The following CSMD2 variants were observed in gnomAD, a reference collection of about 807,000 sequenced individuals.
CSMD2 encodes CUB and Sushi multiple domains 2.
A neutral mutation model predicts 398.5 loss-of-function variants in CSMD2; 130 were observed. The ratio of observed to expected loss-of-function variants is 0.33; its 90% CI spans 0.28 to 0.38. The LOEUF (loss-of-function observed/expected upper bound fraction) is 0.38, where lower values mean the gene tolerates loss of function less well. Among genes scored for constraint, CSMD2 ranks in the 10% least tolerant of loss-of-function variants. The pLI is 1.00. For missense variants in CSMD2, 3,829 were observed against 4,764.9 expected (o/e 0.80, Z 5.78); for synonymous variants, 1,828 against 1,908.5 (o/e 0.96, Z 1.10).
At chr1:33,869,694 A>G (rs1640308080) in intron 5 of CSMD2, among the ~76,000 whole-genome samples, 1 of 152,176 alleles carries the variant, frequency 6.6e-6, no homozygotes, top group Non-Finnish European at 1.5e-5. Context: ...TCCTTCTTGT[A>G]GCCCCTCATT....
intron 3 of CSMD2, among the ~76,000 whole-genome samples, chr1:33,975,783 T>C (rs4653363): frequency 0.055 from 8,319 of 152,226 alleles, 275 homozygotes; most frequent in East Asian, 0.095. Flanking sequence ...TCTGTGTGCA[T>C]GGCTGTGGGC....
rs770125222 is a variant in CSMD2 at position 33,846,965 on chromosome 1, T to A, written c.952A>T (p.Ile318Phe). 3 of 1,609,936 alleles carry A rather than the reference T, an allele frequency of 1.9e-6. No individual in the cohort carries two copies. The highest frequency in any genetic ancestry group is 2.5e-6 in the Non-Finnish European group (3 of 1,178,006). The change falls in exon 6 of 71, where the codon ATC (isoleucine) becomes TTC (phenylalanine). Residue 318 changes from isoleucine (I) to phenylalanine (F), a missense_variant. By Grantham distance (21) the Ile-to-Phe change is conservative. Coordinates refer to ENST00000373381, the MANE Select transcript of CSMD2 (RefSeq NM_001281956.2). Reference sequence around the variant, plus strand: ...AGTCGCAGCCAGTTCTTGCTGCTGATAACGGGGGCTGGGAGGCTGGCTCCG... The same window carrying A: ...AGTCGCAGCCAGTTCTTGCTGCTGAAAACGGGGGCTGGGAGGCTGGCTCCG... The part of the protein sequence containing the change: ...FTGASLPAPV[I>F]SSKNWLRLHF...
chr1:33,722,655 G>C (rs1287394947), intron 19 of CSMD2, among the ~76,000 whole-genome samples: 1 of 150,718 alleles, frequency 6.6e-6, no homozygotes, highest in Non-Finnish European at 1.5e-5. Flanking sequence ...GTGTCTGGTT[G>C]CTAATCCTTA....
intron 20 of CSMD2, among the ~76,000 whole-genome samples, chr1:33,715,751 G>T (rs1646145673): frequency 6.6e-6 from 1 of 152,148 alleles, no homozygotes; most frequent in Non-Finnish European, 1.5e-5. Flanking sequence ...CGGTATGAGA[G>T]GAGCCAAGGG....
chr1:34,080,921 GGAAAGAAA>G (rs10522397), intron 2 of CSMD2, among the ~76,000 whole-genome samples: 3,140 of 125,122 alleles, frequency 0.025, 57 homozygotes, highest in Non-Finnish European at 0.036. Flanking sequence ...CTAACTGAGT[GGAAAGAAA>G]GAAAGAAAGA....
At chr1:33,719,533 G>A (rs537220017) in intron 19 of CSMD2, among the ~76,000 whole-genome samples, 1 of 152,306 alleles carries the variant, frequency 6.6e-6, no homozygotes, top group South Asian at 2.1e-4. Context: ...GTTGGAGTTT[G>A]AATCCAGATT....
Position 33,624,951 on chromosome 1 carries a change from T to A in CSMD2, c.5500+100A>T. The A allele has an allele frequency of 1.6e-6, 2 of 1,227,536 alleles. No homozygotes were observed. Among genetic ancestry groups the A allele is most frequent in the Non-Finnish European group, 2.4e-6 (2 of 845,272 alleles). 76.0% of individuals were successfully genotyped at this position (1,227,536 alleles called of 1,614,324 possible). On this transcript the variant is annotated intron_variant, in intron 34 of 70. Transcript: ENST00000373381. The surrounding 1 kb of genome is among the most constrained non-coding windows in gnomAD (Gnocchi z 4.7). ...CAGCCATGCGGTGGGAAGCGGCTGC[T>A]GTGTGTCGTGGGGCATCACTGGGGC...
chr1:33,757,804 A>C (rs1401468493), intron 13 of CSMD2, among the ~76,000 whole-genome samples: 1 of 152,226 alleles, frequency 6.6e-6, no homozygotes, highest in Non-Finnish European at 1.5e-5. Context: ...ATATTCAATC[A>C]GTAACTAACT....
At chr1:33,653,447 C>T (rs192320113) in intron 27 of CSMD2, among the ~76,000 whole-genome samples, 4 of 152,312 alleles carry the variant, frequency 2.6e-5, no homozygotes, top group South Asian at 4.1e-4. Flanking sequence ...GGCATCTGCT[C>T]GCGGCTGCAG....
At chr1:34,121,668 T>C (rs978355411) in intron 1 of CSMD2, among the ~76,000 whole-genome samples, 1 of 152,178 alleles carries the variant, frequency 6.6e-6, no homozygotes, top group African/African-American at 2.4e-5. Flanking sequence ...TGGGAAGCTT[T>C]GTAAAATCAC....
Position 33,700,673 on chromosome 1 carries a change from C to G in CSMD2, c.3577G>C (p.Val1193Leu). 1 of 1,614,104 alleles carries G rather than the reference C, an allele frequency of 6.2e-7. No homozygotes were observed. Among genetic ancestry groups the G allele is most frequent in the Non-Finnish European group, 8.5e-7 (1 of 1,180,018 alleles). The change falls in exon 23 of 71, where the codon GTT becomes CTT. Residue 1193 changes from valine to leucine, a missense_variant and splice_region_variant. Around this residue, in one of 5 missense-constraint regions of CSMD2, gnomAD observed 2,001 missense variants for 2,567.1 expected, o/e 0.78. Coordinates refer to ENST00000373381, the MANE Select transcript of CSMD2 (RefSeq NM_001281956.2). ...GCGGAGTTGTTGTTGCCATCATAAA[C>G]CTGGACACAGGAGAGACCCCCAACC... ...FELSEGDVLK[V>L]YDGNNNSARL...
At chr1:33,952,535 C>A (rs1414485334) in intron 3 of CSMD2, among the ~76,000 whole-genome samples, 1 of 152,162 alleles carries the variant, frequency 6.6e-6, no homozygotes, top group African/African-American at 2.4e-5. Flanking sequence ...TTCTGCCTCA[C>A]CACCCTTTAT....
chr1:33,644,504 G>T (rs1571063161), intron 29 of CSMD2, among the ~76,000 whole-genome samples: 1 of 152,310 alleles, frequency 6.6e-6, no homozygotes, highest in East Asian at 1.9e-4. Flanking sequence ...AGGCTTGGCT[G>T]GGGGAAAGGA....
At chr1:33,825,358 AGCT>A (rs1354613168) in intron 7 of CSMD2, among the ~76,000 whole-genome samples, 1 of 152,242 alleles carries the variant, frequency 6.6e-6, no homozygotes, top group Non-Finnish European at 1.5e-5. Context: ...CTAAAAGAGG[AGCT>A]GAAGGAGGAC....
At chr1:34,064,553 A>G (rs533226572) in intron 2 of CSMD2, among the ~76,000 whole-genome samples, 1 of 152,092 alleles carries the variant, frequency 6.6e-6, no homozygotes, top group African/African-American at 2.4e-5. Flanking sequence ...TCTGGACCCT[A>G]CTGTTCATAT....
intron 1 of CSMD2, among the ~76,000 whole-genome samples, chr1:34,101,115 G>A (rs963537774): frequency 2.0e-5 from 3 of 152,200 alleles, no homozygotes; most frequent in African/African-American, 4.8e-5. Flanking sequence ...CCCATGAAAC[G>A]TTGAATTTCT....
intron 3 of CSMD2, among the ~76,000 whole-genome samples, chr1:34,020,472 A>G (rs950734091): frequency 2.0e-5 from 3 of 152,274 alleles, no homozygotes; most frequent in African/African-American, 7.2e-5. Flanking sequence ...GCCCTGAGCA[A>G]GGCCAGGGCT....
chr1:33,637,723 T>C (rs1439191212), intron 29 of CSMD2, among the ~76,000 whole-genome samples: 1 of 152,062 alleles, frequency 6.6e-6, no homozygotes, highest in Non-Finnish European at 1.5e-5. Flanking sequence ...TTTTGGAGGA[T>C]ACATTATTGG....
At chr1:33,825,955 G>A (rs1658762105) in intron 6 of CSMD2, among the ~76,000 whole-genome samples, 181 bp from the exon 7 acceptor site, 1 of 152,170 alleles carries the variant, frequency 6.6e-6, no homozygotes, top group Non-Finnish European at 1.5e-5. Flanking sequence ...AGACATGAAG[G>A]AAAAGTTACT....
Sources: allele counts gnomAD v4.1 joint callset (sites outside exome capture counted in the v4.1 genomes callset), GRCh38; gene constraint gnomAD v4.1.1; regional missense constraint gnomAD v4.1.1; non-coding constraint Gnocchi (gnomAD v3.1); transcripts MANE v1.5; gene names NCBI Gene and HGNC (gene_info 2026-07-23, HGNC 2026-07-21).